The following EML4 variants were observed in gnomAD, a reference collection of about 807,000 sequenced individuals.
EML4 encodes the protein EMAP like 4.
In EML4, 72 loss-of-function variants were observed where a neutral mutation model predicts 129.0. That is an observed-to-expected ratio of 0.56 (90% CI 0.46 to 0.68). The LOEUF is 0.68. Among genes scored for constraint, EML4 ranks in the 30% least tolerant of loss-of-function variants. The pLI is 0.00. For synonymous variants in EML4, 532 were observed against 405.0 expected (o/e 1.31, Z -3.77); for missense variants, 1,363 against 1,190.6 (o/e 1.14, Z -2.13).
chr2:42,211,719 C>T (rs375648677), intron 1 of EML4, among the ~76,000 whole-genome samples: 2 of 151,754 alleles, frequency 1.3e-5, no homozygotes, highest in African/African-American at 2.4e-5. Context: ...GTTACTGCAT[C>T]GTGTGTTGCC....
At chr2:42,285,439 C>G (rs1374890389) in intron 9 of EML4, among the ~76,000 whole-genome samples, 1 of 152,042 alleles carries the variant, frequency 6.6e-6, no homozygotes, top group African/African-American at 2.4e-5. Flanking sequence ...TTCTAAGACC[C>G]CTTCCAGTTT....
intron 3 of EML4, among the ~76,000 whole-genome samples, chr2:42,259,735 T>C (rs1272795376): frequency 7.9e-5 from 11 of 139,584 alleles, no homozygotes; most frequent in Non-Finnish European, 1.6e-5. Context: ...TTTTTTTTTT[T>C]TTTTTTTTTT....
intron 1 of EML4, among the ~76,000 whole-genome samples, chr2:42,188,577 G>T (rs908625100): frequency 2.0e-5 from 3 of 151,690 alleles, no homozygotes. Flanking sequence ...ACAGAGTCTT[G>T]CTTTGTCACC....
Position 42,261,883 on chromosome 2 carries a change from A to G in EML4, c.512+589A>G, listed in dbSNP as rs1461435478. On this transcript the variant is annotated intron_variant, in intron 4 of 22. Coordinates refer to ENST00000318522, the MANE Select transcript of EML4 (RefSeq NM_019063.5). Reference sequence around the variant, plus strand: ...CCGTAATAATTAATATTTTAAAGTTATGAGAAGGGGAAAAGGGAGAAATAT... The same window carrying G: ...CCGTAATAATTAATATTTTAAAGTTGTGAGAAGGGGAAAAGGGAGAAATAT... 2.0e-5 allele frequency among the ~76,000 whole-genome samples: 3 copies of G among 152,158 alleles called. No homozygotes were observed. In the East Asian group the frequency reaches 5.8e-4, roughly 29 times the overall value.
chr2:42,286,912 C>G (rs1333940305), intron 10 of EML4, among the ~76,000 whole-genome samples: 2 of 152,078 alleles, frequency 1.3e-5, no homozygotes, highest in African/African-American at 4.8e-5. Context: ...CCCAGCAGTC[C>G]TTTCTAAGTG....
chr2:42,312,955 T>G (rs1044759849), intron 17 of EML4, among the ~76,000 whole-genome samples: 3 of 148,426 alleles, frequency 2.0e-5, no homozygotes, highest in Non-Finnish European at 4.5e-5. Flanking sequence ...TCTTTTTTTT[T>G]TTTTTTTTTT....
At chr2:42,285,236 G>C (rs1431328268) in intron 9 of EML4, among the ~76,000 whole-genome samples, 1 of 152,074 alleles carries the variant, frequency 6.6e-6, no homozygotes, top group Non-Finnish European at 1.5e-5. Context: ...TGTGTGACTA[G>C]AACTGATACA....
At chr2:42,286,501 C>A in intron 10 of EML4, 122 bp downstream of exon 10, 1 of 662,922 alleles carries the variant, frequency 1.5e-6, no homozygotes, top group Non-Finnish European at 2.7e-6. Context: ...GAGATGCTAG[C>A]TATTGCTAAC....
chr2:42,287,625 T>G (rs917475148), intron 10 of EML4, among the ~76,000 whole-genome samples: 1 of 152,196 alleles, frequency 6.6e-6, no homozygotes, highest in African/African-American at 2.4e-5. Flanking sequence ...GGTATTTTTC[T>G]TAAACTGGAA....
intron 1 of EML4, among the ~76,000 whole-genome samples, chr2:42,219,668 A>C: frequency 6.6e-6 from 1 of 152,154 alleles, no homozygotes; most frequent in East Asian, 1.9e-4. Flanking sequence ...CTGTAATCCC[A>C]GGATTTTGGG....
At position 42,284,634 on chromosome 2, in the gene EML4, C is replaced by G. The variant is rs1013911386; in HGVS notation, c.942C>G (p.Cys314Trp). 1 of 1,608,534 alleles carries G rather than the reference C, an allele frequency of 6.2e-7. No individual in the cohort carries two copies. Among genetic ancestry groups the G allele is most frequent in the Non-Finnish European group, 8.5e-7 (1 of 1,176,822 alleles). Residue 314 changes from cysteine to tryptophan, a missense_variant and splice_region_variant, in exon 9 of 23, where the codon TGC (cysteine) becomes TGG (tryptophan). By Grantham distance (215) the Cys-to-Trp change is radical. Transcript: ENST00000318522. ...HYLGHTDCVK[C>W]LAIHPDKIRI... ...AATCATTCTTAATACTGCTTTTTAG[C>G]CTTGCTATACATCCTGACAAAATTA...
intron 1 of EML4, among the ~76,000 whole-genome samples, chr2:42,225,867 T>C (rs1388082369): frequency 2.6e-5 from 4 of 152,176 alleles, no homozygotes; most frequent in African/African-American, 9.6e-5. Flanking sequence ...TTTTTTGAAG[T>C]GAGAAGAAAG....
chr2:42,200,579 C>G (rs929006941), intron 1 of EML4, among the ~76,000 whole-genome samples: 1 of 152,174 alleles, frequency 6.6e-6, no homozygotes, highest in African/African-American at 2.4e-5. Flanking sequence ...TTGGCTTGAA[C>G]TCCCTTTCTC....
At chr2:42,226,572 A>G (rs1319237914) in intron 1 of EML4, among the ~76,000 whole-genome samples, 1 of 151,968 alleles carries the variant, frequency 6.6e-6, no homozygotes, top group African/African-American at 2.4e-5. Flanking sequence ...CAGGAGAATC[A>G]CTTGAACCTG....
chr2:42,220,139 G>T (rs984522754), intron 1 of EML4, among the ~76,000 whole-genome samples: 1 of 151,448 alleles, frequency 6.6e-6, no homozygotes, highest in Non-Finnish European at 1.5e-5. Flanking sequence ...TATAATACGT[G>T]TATAACACAT....
intron 2 of EML4, among the ~76,000 whole-genome samples, chr2:42,253,003 G>T (rs1339398889): frequency 6.6e-6 from 1 of 152,102 alleles, no homozygotes; most frequent in Non-Finnish European, 1.5e-5. Flanking sequence ...ATAAGAGTAG[G>T]ATTATAATTG....
rs1315172548 is a variant in EML4 at position 42,245,727 on chromosome 2, CA to C, written c.208+42del. ...AAGTTAAAAAGAGTCTTGCTTTTTGCAATATTTTCTTTGAAAGTTGAAGCTG... is the reference window on the plus strand; with the variant it reads ...AAGTTAAAAAGAGTCTTGCTTTTTGCATATTTTCTTTGAAAGTTGAAGCTG... On this transcript the variant is annotated intron_variant, in intron 2 of 22. Coordinates refer to ENST00000318522, the MANE Select transcript of EML4 (RefSeq NM_019063.5). 4 of 1,490,476 alleles carry C rather than the reference CA, an allele frequency of 2.7e-6. No individual in the cohort carries two copies. The Admixed American group carries it at 9.3e-5, about 35-fold the overall frequency. 92.3% of individuals were successfully genotyped at this position (1,490,476 alleles called of 1,614,324 possible).
Position 42,309,905 on chromosome 2 carries a change from T to C in EML4, c.1967+5354T>C, listed in dbSNP as rs541664045. 2.0e-5 allele frequency among the ~76,000 whole-genome samples: 3 copies of C among 152,372 alleles called. No individual in the cohort carries two copies. In the South Asian group the frequency reaches 6.2e-4, roughly 32 times the overall value. On this transcript the variant is annotated intron_variant, in intron 17 of 22. Coordinates refer to ENST00000318522, the MANE Select transcript of EML4 (RefSeq NM_019063.5). ...TAGTTTAGTTTATCTGTTCTTTCTC[T>C]TGTTTCTTAAGCATAAATATTTACT...
rs1670154936 is a variant in EML4 at position 42,332,523 on chromosome 2, A to G, written c.*2316A>G. 5.5e-6 allele frequency: 1 copy of G among 183,136 alleles called. No homozygotes were observed. Among genetic ancestry groups the G allele is most frequent in the Non-Finnish European group, 1.2e-5 (1 of 85,682 alleles). 11.3% of individuals were successfully genotyped at this position (183,136 alleles called of 1,614,324 possible). On this transcript the variant is annotated 3_prime_UTR_variant, in exon 23 of 23. Coordinates refer to ENST00000318522, the MANE Select transcript of EML4 (RefSeq NM_019063.5). ...AAAATTTTGAAGATTAAAAAATAAA[A>G]TAATCAAAATGTTTCCTCTTTCTAA...
Sources: allele counts gnomAD v4.1 joint callset (sites outside exome capture counted in the v4.1 genomes callset), GRCh38; gene constraint gnomAD v4.1.1; transcripts MANE v1.5; gene names NCBI Gene and HGNC (gene_info 2026-07-23, HGNC 2026-07-21).